The following RPH3A variants were observed in gnomAD, a reference collection of about 807,000 sequenced individuals.
RPH3A encodes the protein rabphilin 3A, also known as rabphilin-3A.
RPH3A carries 48 observed loss-of-function variants against 102.2 expected under a neutral mutation model. The observed-to-expected ratio is 0.47, with a 90% CI of 0.37 to 0.60. The LOEUF is 0.60. Among genes scored for constraint, RPH3A ranks in the 20% least tolerant of loss-of-function variants. The pLI, the probability that RPH3A is intolerant of heterozygous loss-of-function variation, is 0.00. For synonymous variants in RPH3A, 310 were observed against 324.3 expected (o/e 0.96, Z 0.47); for missense variants, 781 against 910.1 (o/e 0.86, Z 1.83).
intron 1 of RPH3A, among the ~76,000 whole-genome samples, chr12:112,630,996 T>C (rs1340367390): frequency 2.0e-5 from 3 of 151,936 alleles, no homozygotes; most frequent in Non-Finnish European, 4.4e-5. Flanking sequence ...GATGGGCAGG[T>C]TGGGGATGAG....
intron 1 of RPH3A, among the ~76,000 whole-genome samples, chr12:112,581,402 G>C (rs1393418915): frequency 6.6e-6 from 1 of 152,112 alleles, no homozygotes; most frequent in Non-Finnish European, 1.5e-5. Context: ...CCTCCCACTG[G>C]GTCCCTCCCA....
intron 1 of RPH3A, among the ~76,000 whole-genome samples, chr12:112,579,145 G>C (rs1202161097): frequency 6.6e-6 from 1 of 152,110 alleles, no homozygotes; most frequent in Non-Finnish European, 1.5e-5. Context: ...AGGAATGCCT[G>C]CCCTGGTATT....
At chr12:112,619,299 T>TGTGTGTGTGTG (rs2039703836) in intron 1 of RPH3A, among the ~76,000 whole-genome samples, 1 of 142,828 alleles carries the variant, frequency 7.0e-6, no homozygotes, top group Non-Finnish European at 1.5e-5. Context: ...TGTGTGTGTG[T>TGTGTGTGTGTG]TTTGAGATGG....
chr12:112,818,016 T>C lies in RPH3A; in HGVS notation c.-18-10285T>C, dbSNP rs368781988. ...TTGGACTTGAATTTGACTTCTCAAC[T>C]TAAGAAGAACAAAAGGCCGGGCATG... On this transcript the variant is annotated intron_variant, in intron 2 of 21. Coordinates refer to ENST00000389385, the MANE Select transcript of RPH3A (RefSeq NM_001143854.2). Among the ~76,000 whole-genome samples the C allele has an allele frequency of 2.6e-5, 4 of 152,202 alleles. 1 individual carries two copies. Among genetic ancestry groups the C allele is most frequent in the African/African-American group, 7.2e-5 (3 of 41,524 alleles).
chr12:112,850,471 A>G (rs1341026266), intron 5 of RPH3A, among the ~76,000 whole-genome samples: 4 of 151,886 alleles, frequency 2.6e-5, no homozygotes, highest in Non-Finnish European at 5.9e-5. Context: ...CTTCCAGGGG[A>G]GCTTGGGCCA....
intron 1 of RPH3A, among the ~76,000 whole-genome samples, chr12:112,730,363 C>CA (rs767664323): frequency 1.3e-5 from 2 of 152,242 alleles, no homozygotes; most frequent in African/African-American, 2.4e-5. Context: ...CTGTTAGCCC[C>CA]ATCAGGGGTA....
intron 1 of RPH3A, among the ~76,000 whole-genome samples, chr12:112,773,742 T>G (rs1363055541): frequency 2.0e-5 from 3 of 151,934 alleles, no homozygotes; most frequent in Non-Finnish European, 4.4e-5. Context: ...GGACTGAAGC[T>G]GCTGCTGGGA....
Position 112,875,180 on chromosome 12 carries a change from A to C in RPH3A, c.883+10A>C. ...CAGCCTGGGCAGCCAGGTACCTGCC[A>C]CTCACCTGCTAGCACCTGCCCAGGC... is the stretch of plus-strand genomic sequence containing the variant. On this transcript the variant is annotated intron_variant, in intron 11 of 21. Coordinates refer to ENST00000389385, the MANE Select transcript of RPH3A (RefSeq NM_001143854.2). 1.9e-6 allele frequency: 3 copies of C among 1,592,238 alleles called. No individual in the cohort carries two copies. Among genetic ancestry groups the C allele is most frequent in the Non-Finnish European group, 2.6e-6 (3 of 1,169,374 alleles).
At chr12:112,645,796 C>T (rs567566473) in intron 1 of RPH3A, among the ~76,000 whole-genome samples, 2 of 152,266 alleles carry the variant, frequency 1.3e-5, no homozygotes, top group African/African-American at 4.8e-5. Flanking sequence ...CTCTCTGAAT[C>T]AATTTGTCAA....
At chr12:112,862,245 C>G (rs577246833) in intron 5 of RPH3A, among the ~76,000 whole-genome samples, 5 of 148,330 alleles carry the variant, frequency 3.4e-5, no homozygotes, top group African/African-American at 1.2e-4. Context: ...GTCCCCCCCC[C>G]AAAAAAAAAG....
chr12:112,799,784 GC>G (rs2041306161), intron 2 of RPH3A, among the ~76,000 whole-genome samples: 1 of 152,200 alleles, frequency 6.6e-6, no homozygotes, highest in Non-Finnish European at 1.5e-5. Flanking sequence ...ATGGTTCAAT[GC>G]CCAAGCTTCT....
chr12:112,876,980 A>G, intron 13 of RPH3A, 114 bp downstream of exon 13: 1 of 633,468 alleles, frequency 1.6e-6, no homozygotes, highest in Non-Finnish European at 2.6e-6. Flanking sequence ...CTAATATACC[A>G]GACCTAATAA....
intron 1 of RPH3A, among the ~76,000 whole-genome samples, chr12:112,681,152 C>T (rs2040223584): frequency 6.6e-6 from 1 of 152,136 alleles, no homozygotes; most frequent in Admixed American, 6.5e-5. Context: ...TGGTAAACAA[C>T]ACCTCCACCT....
chr12:112,841,341 G>A (rs938467033), intron 4 of RPH3A, among the ~76,000 whole-genome samples: 2 of 151,994 alleles, frequency 1.3e-5, no homozygotes, highest in African/African-American at 4.8e-5. Flanking sequence ...TATGGCCTGG[G>A]AGATAGAACG....
Position 112,847,798 on chromosome 12 carries a change from T to C in RPH3A, c.186T>C (p.Ile62=), listed in dbSNP as rs776187988. The C allele has an allele frequency of 9.5e-5, 154 of 1,614,040 alleles. No homozygotes were observed. Among genetic ancestry groups the C allele is most frequent in the Non-Finnish European group, 1.3e-4 (149 of 1,180,034 alleles). ...AGAAAGAAATCATCAACAGGGTGATTGCTCGAGCTGAGAAAATGGAAGAGA... is the reference window on the plus strand; with the variant it reads ...AGAAAGAAATCATCAACAGGGTGATCGCTCGAGCTGAGAAAATGGAAGAGA... ...DEEKEIINRV[I]ARAEKMEEME... Residue 62 remains isoleucine, a synonymous_variant, in exon 5 of 22, where the codon ATT becomes ATC. Transcript: ENST00000389385.
chr12:112,656,708 T>C (rs1490352340), intron 1 of RPH3A, among the ~76,000 whole-genome samples: 1 of 152,196 alleles, frequency 6.6e-6, no homozygotes, highest in Non-Finnish European at 1.5e-5. Flanking sequence ...TCCCATAGGA[T>C]AATGGCTTCC....
intron 1 of RPH3A, among the ~76,000 whole-genome samples, chr12:112,647,516 A>G (rs1403208507): frequency 2.6e-5 from 4 of 152,188 alleles, no homozygotes; most frequent in Admixed American, 2.6e-4. Context: ...TAGGCAATAA[A>G]TGAGTAAATT....
intron 1 of RPH3A, among the ~76,000 whole-genome samples, chr12:112,716,507 C>T (rs976247448): frequency 2.0e-5 from 3 of 152,232 alleles, no homozygotes; most frequent in Non-Finnish European, 4.4e-5. Context: ...ATGGATGCCT[C>T]TGCTATCTTC....
chr12:112,854,545 A>G (rs1360133483), intron 5 of RPH3A, among the ~76,000 whole-genome samples: 1 of 152,222 alleles, frequency 6.6e-6, no homozygotes, highest in Non-Finnish European at 1.5e-5. Context: ...CACACAGTTA[A>G]TAAGTGGTGG....
Sources: gnomAD v4.1 joint callset for allele counts (sites outside exome capture counted in the v4.1 genomes callset) on GRCh38, gnomAD v4.1.1 for gene constraint, MANE v1.5 for transcripts, NCBI Gene and HGNC (gene_info 2026-07-23, HGNC 2026-07-21) for gene names.